Variants in MSI2 observed in about 807,000 individuals in gnomAD.
MSI2 encodes RNA-binding protein Musashi homolog 2.
A neutral mutation model predicts 45.6 loss-of-function variants in MSI2; 17 were observed. The ratio of observed to expected loss-of-function variants is 0.37; its 90% confidence interval spans 0.26 to 0.56. MSI2 has a LOEUF of 0.56. Among genes scored for constraint, MSI2 ranks in the 20% least tolerant of loss-of-function variants. The probability of loss-of-function intolerance (pLI) is 0.77; values close to 1 mark genes in which losing one functional copy is unlikely to be tolerated. For synonymous variants in MSI2, 156 were observed against 158.2 expected, an observed-to-expected ratio of 0.99 and a Z score of 0.11; for missense variants, 293 against 444.2, an observed-to-expected ratio of 0.66 and a Z score of 3.06.
chr17:57,627,503 T>C lies in MSI2; in HGVS notation c.727+200T>C. On this transcript the variant is annotated intron_variant, in intron 10 of 13. Transcript: ENST00000284073. The surrounding 1 kb of genome is among the most constrained non-coding windows in gnomAD (Gnocchi z 4.6). ...TTTGATTAACTCAGGTATAACTCAC[T>C]GGTGCCGGGTATTTGAGAACGGCAG... is the stretch of plus-strand genomic sequence containing the variant. 2 of 597,044 alleles carry C rather than the reference T, an allele frequency of 3.3e-6. No homozygotes were observed. Among genetic ancestry groups the C allele is most frequent in the Non-Finnish European group, 6.0e-6 (2 of 333,872 alleles). The allele number at this position is 597,044 out of a possible 1,614,324, so 37.0% of individuals were successfully genotyped here. A position where few individuals can be genotyped will look rare whatever the true frequency, so the allele number is the denominator to read the frequency against.
intron 7 of MSI2, among the ~76,000 whole-genome samples, chr17:57,569,615 A>C (rs1297172013): frequency 1.3e-5 from 2 of 152,260 alleles, no homozygotes. Context: ...AAGAAGCAAG[A>C]GGAAGATGAA....
At chr17:57,466,424 G>C (rs771507385) in intron 6 of MSI2, among the ~76,000 whole-genome samples, 8 of 152,196 alleles carry the variant, frequency 5.3e-5, no homozygotes, top group Non-Finnish European at 1.0e-4. Context: ...GCAGTCCATT[G>C]TTGCCCAAGA....
At chr17:57,263,298 C>T (rs987664869) in intron 5 of MSI2, among the ~76,000 whole-genome samples, 3 of 152,060 alleles carry the variant, frequency 2.0e-5, no homozygotes, top group Admixed American at 2.0e-4. Flanking sequence ...TCTCTTCTCC[C>T]TTTTTTAAAG....
chr17:57,268,369 T>G (rs923626707), intron 5 of MSI2: 1 of 151,964 alleles, frequency 6.6e-6, no homozygotes, highest in African/African-American at 2.4e-5. Context: ...GGGAGTGGGG[T>G]GGACCATATC....
At chr17:57,569,730 G>A (rs1001152040) in intron 7 of MSI2, among the ~76,000 whole-genome samples, 7 of 152,178 alleles carry the variant, frequency 4.6e-5, no homozygotes, top group Non-Finnish European at 7.4e-5. Context: ...AATTCCATGA[G>A]GATCTCACAG....
chr17:57,605,756 G>A (rs1189264505), intron 8 of MSI2, among the ~76,000 whole-genome samples: 1 of 152,152 alleles, frequency 6.6e-6, no homozygotes, highest in Non-Finnish European at 1.5e-5. Context: ...TTCTTCCTTT[G>A]CCCTCTTCTT....
At chr17:57,309,209 T>C (rs1912164534) in intron 5 of MSI2, among the ~76,000 whole-genome samples, 2 of 152,240 alleles carry the variant, frequency 1.3e-5, no homozygotes, top group Non-Finnish European at 2.9e-5. Flanking sequence ...ATAGATCATC[T>C]ATTCTACTGG....
intron 6 of MSI2, among the ~76,000 whole-genome samples, chr17:57,443,701 G>A (rs188420195): frequency 2.4e-4 from 37 of 152,254 alleles, no homozygotes; most frequent in Non-Finnish European, 5.9e-5. Flanking sequence ...GGCTTGTCAG[G>A]GGGTCAGCCT....
rs1910001175 is a variant in MSI2, at chr17:57,638,465, C to T, written c.727+11162C>T. 3.9e-5 allele frequency among the ~76,000 whole-genome samples: 6 copies of T among 152,218 alleles called. No individual in the cohort carries two copies. The South Asian group carries it at 1.2e-3, about 32-fold the overall frequency. ...ATCCCACGTGCGGCCAGATGTGTTCCTGAGTGATTGGAGCAGCTGCACAGG... is the reference window on the plus strand; with the variant it reads ...ATCCCACGTGCGGCCAGATGTGTTCTTGAGTGATTGGAGCAGCTGCACAGG... On this transcript the variant is annotated intron_variant, in intron 10 of 13. Coordinates refer to ENST00000284073, the MANE Select transcript of MSI2 (RefSeq NM_138962.4).
intron 8 of MSI2, among the ~76,000 whole-genome samples, chr17:57,602,457 A>G (rs1906004595): frequency 6.6e-6 from 1 of 152,170 alleles, no homozygotes; most frequent in African/African-American, 2.4e-5. Context: ...GGTCTGAGTG[A>G]TTCTCGTGCC....
At chr17:57,353,694 T>C (rs1732334309) in intron 5 of MSI2, among the ~76,000 whole-genome samples, 1 of 152,176 alleles carries the variant, frequency 6.6e-6, no homozygotes, top group South Asian at 2.1e-4. Flanking sequence ...ATTGAAGATT[T>C]AGTCTGATTA....
intron 5 of MSI2, among the ~76,000 whole-genome samples, chr17:57,400,699 A>T (rs1199090810): frequency 2.0e-5 from 3 of 151,982 alleles, no homozygotes; most frequent in Non-Finnish European, 4.4e-5. Context: ...ATCCTGGAGG[A>T]AGGTTACAAC....
chr17:57,578,689 A>G (rs2144354068), intron 7 of MSI2, among the ~76,000 whole-genome samples: 1 of 152,218 alleles, frequency 6.6e-6, no homozygotes, highest in South Asian at 2.1e-4. Flanking sequence ...TGTGCTTTCC[A>G]TTCTCAGGGG....
intron 5 of MSI2, among the ~76,000 whole-genome samples, chr17:57,343,724 A>G (rs1915365978): frequency 6.6e-6 from 1 of 152,218 alleles, no homozygotes; most frequent in South Asian, 2.1e-4. Flanking sequence ...ATCAGGTATA[A>G]CATTTAGGTT....
intron 5 of MSI2, among the ~76,000 whole-genome samples, chr17:57,335,199 GCA>G (rs111723403): frequency 0.041 from 6,199 of 149,894 alleles, 134 homozygotes; most frequent in African/African-American, 0.044. Flanking sequence ...TGAGAAGCCA[GCA>G]AGTATGAATT....
At chr17:57,666,710 C>A (rs1912395751) in intron 11 of MSI2, among the ~76,000 whole-genome samples, 1 of 152,170 alleles carries the variant, frequency 6.6e-6, no homozygotes. Context: ...TTATAAGACA[C>A]AAGCAAGGAT....
chr17:57,458,809 G>A (rs1356922529), intron 6 of MSI2, among the ~76,000 whole-genome samples: 1 of 152,220 alleles, frequency 6.6e-6, no homozygotes, highest in African/African-American at 2.4e-5. Flanking sequence ...CACAGGCTTG[G>A]TTCACAGGTG....
intron 5 of MSI2, chr17:57,285,927 A>G (rs1328404022): frequency 1.3e-6 from 2 of 1,534,144 alleles, no homozygotes; most frequent in East Asian, 2.4e-5. Context: ...AATACGTCTT[A>G]TCACGTGAAT....
chr17:57,323,142 G>T (rs959098936), intron 5 of MSI2, among the ~76,000 whole-genome samples: 4 of 152,102 alleles, frequency 2.6e-5, no homozygotes, highest in African/African-American at 9.7e-5. Flanking sequence ...AAGATCAAAA[G>T]CCAAAAAGAA....
Sources: allele counts gnomAD v4.1 joint callset (sites outside exome capture counted in the v4.1 genomes callset), GRCh38; gene constraint gnomAD v4.1.1; non-coding constraint Gnocchi (gnomAD v3.1); transcripts MANE v1.5; gene names NCBI Gene and HGNC (gene_info 2026-07-23, HGNC 2026-07-21).